Variants in MYO3B observed in about 807,000 individuals in gnomAD.
The protein encoded by MYO3B is myosin IIIB, also known as myosin-IIIb.
Under a neutral mutation model 174.6 loss-of-function variants are expected in MYO3B, and 156 were observed. The observed-to-expected ratio is 0.89, with a 90% CI of 0.78 to 1.02. The LOEUF (loss-of-function observed/expected upper bound fraction) is 1.02, where lower values mean the gene tolerates loss of function less well. MYO3B is among the 50% of genes least tolerant of loss of function. MYO3B has a pLI of 0.00. For synonymous variants in MYO3B, 563 were observed against 569.1 expected, an observed-to-expected ratio of 0.99 and a Z score of 0.15; for missense variants, 1,632 against 1,639.4, an observed-to-expected ratio of 1.00 and a Z score of 0.08.
chr2:170,235,250 T>C (rs1346210323), intron 6 of MYO3B, among the ~76,000 whole-genome samples: 1 of 152,218 alleles, frequency 6.6e-6, no homozygotes, highest in Admixed American at 6.5e-5. Context: ...ACTTCTCCTA[T>C]CGCCATTGTG....
intron 32 of MYO3B, among the ~76,000 whole-genome samples, chr2:170,627,895 G>A (rs1696597362): frequency 6.6e-6 from 1 of 152,148 alleles, no homozygotes; most frequent in Non-Finnish European, 1.5e-5. Context: ...ATTGCTGTCT[G>A]ATCGTTTTTC....
rs761891550 is a variant in MYO3B at position 170,653,103 on chromosome 2, C to T, written c.4008C>T (p.Asp1336=). 16 of 1,614,006 alleles carry T rather than the reference C, an allele frequency of 9.9e-6. No homozygotes were observed. The highest frequency in any genetic ancestry group is 1.3e-5 in the African/African-American group (1 of 74,912). ...PSFFSSSSKG[D]SFAQH is the part of the protein sequence containing the mutation. ...TTTTTTCTTCATCCTCAAAAGGAGA[C>T]TCTTTTGCTCAACATTAAATTGTGC... The change falls in exon 35 of 35, where the codon GAC becomes GAT. Residue 1336 remains aspartate (D), a synonymous_variant. Coordinates refer to ENST00000408978, the MANE Select transcript of MYO3B (RefSeq NM_138995.5).
chr2:170,590,614 T>A (rs1559141198), intron 32 of MYO3B, among the ~76,000 whole-genome samples: 1 of 148,220 alleles, frequency 6.7e-6, no homozygotes, highest in Admixed American at 6.7e-5. Flanking sequence ...TTTTTTTGCC[T>A]CAAAACTCTC....
In MYO3B at chr2:170,179,185, C is replaced by A. The variant is rs553500014; in HGVS notation, c.2+896C>A. ...CTGTGTAACAAACCTGCACGTCCTG[C>A]ACATGTAACCTGGAACTTAAAATAA... On this transcript the variant is annotated intron_variant, in intron 1 of 34. Transcript: ENST00000408978. 3.9e-5 allele frequency among the ~76,000 whole-genome samples: 6 copies of A among 152,186 alleles called. No individual in the cohort carries two copies. The South Asian group carries it at 1.2e-3, about 32-fold the overall frequency.
At chr2:170,634,120 T>A (rs1302380576) in intron 32 of MYO3B, among the ~76,000 whole-genome samples, 1 of 152,144 alleles carries the variant, frequency 6.6e-6, no homozygotes, top group Non-Finnish European at 1.5e-5. Flanking sequence ...AAAACTACTT[T>A]AAAGTTCATA....
At chr2:170,195,218 T>G (rs1041737787) in intron 1 of MYO3B, among the ~76,000 whole-genome samples, 4 of 151,966 alleles carry the variant, frequency 2.6e-5, no homozygotes, top group African/African-American at 9.7e-5. Context: ...TGGAAACCCA[T>G]GGCTCCAGTG....
At chr2:170,268,141 C>A (rs1327149410) in intron 7 of MYO3B, among the ~76,000 whole-genome samples, 1 of 152,076 alleles carries the variant, frequency 6.6e-6, no homozygotes, top group Non-Finnish European at 1.5e-5. Flanking sequence ...ACCCGGGAGG[C>A]AGAGTTTGCA....
At chr2:170,524,140 C>T (rs1240018860) in intron 30 of MYO3B, among the ~76,000 whole-genome samples, 2 of 152,172 alleles carry the variant, frequency 1.3e-5, no homozygotes, top group Non-Finnish European at 2.9e-5. Context: ...TGATTGTTAG[C>T]ATTTATTGCT....
chr2:170,467,235 A>G (rs1189071825), intron 25 of MYO3B, among the ~76,000 whole-genome samples: 1 of 152,212 alleles, frequency 6.6e-6, no homozygotes, highest in African/African-American at 2.4e-5. Flanking sequence ...CGTAAAGGTG[A>G]GAAAACTTGG....
At chr2:170,279,734 T>G (rs2093492812) in intron 7 of MYO3B, among the ~76,000 whole-genome samples, 1 of 152,198 alleles carries the variant, frequency 6.6e-6, no homozygotes, top group African/African-American at 2.4e-5. Flanking sequence ...TTCCTGTTCC[T>G]GTGTTAGTTT....
intron 32 of MYO3B, among the ~76,000 whole-genome samples, chr2:170,641,901 A>G (rs1697999999): frequency 6.7e-6 from 1 of 150,100 alleles, no homozygotes; most frequent in South Asian, 2.1e-4. Flanking sequence ...CCCAAATTAA[A>G]TGAATGAATG....
chr2:170,377,463 C>G (rs918056702), intron 9 of MYO3B, among the ~76,000 whole-genome samples: 1 of 152,180 alleles, frequency 6.6e-6, no homozygotes, highest in Non-Finnish European at 1.5e-5. Flanking sequence ...TCTATTCTTA[C>G]GCTGCACTCA....
intron 6 of MYO3B, among the ~76,000 whole-genome samples, chr2:170,220,869 T>C (rs1190449490): frequency 6.6e-6 from 1 of 152,206 alleles, no homozygotes; most frequent in Non-Finnish European, 1.5e-5. Context: ...GGATGTGTGA[T>C]TGTGTCCAGT....
At chr2:170,236,272 A>G in intron 7 of MYO3B, 136 bp downstream of exon 7, 2 of 1,061,260 alleles carry the variant, frequency 1.9e-6, no homozygotes, top group Non-Finnish European at 2.7e-6. Context: ...TCTTTGAAAA[A>G]GCAAGGGGGG....
intron 7 of MYO3B, among the ~76,000 whole-genome samples, chr2:170,237,632 A>G (rs1407058188): frequency 1.3e-5 from 2 of 152,054 alleles, no homozygotes; most frequent in African/African-American, 4.8e-5. Flanking sequence ...TAATAATCTC[A>G]TATTCTCTCA....
intron 25 of MYO3B, among the ~76,000 whole-genome samples, chr2:170,494,968 G>A (rs1686763512): frequency 6.6e-6 from 1 of 152,052 alleles, no homozygotes; most frequent in South Asian, 2.1e-4. Flanking sequence ...GGTACAGAGA[G>A]GTGAGTGACT....
chr2:170,494,746 A>AG (rs796521876), intron 25 of MYO3B, among the ~76,000 whole-genome samples: 3,452 of 146,998 alleles, frequency 0.023, 76 homozygotes, highest in East Asian at 0.098. Flanking sequence ...AAAAAAAAAA[A>AG]AAGAAGAAGA....
intron 6 of MYO3B, among the ~76,000 whole-genome samples, chr2:170,228,342 G>A (rs956271983): frequency 3.9e-5 from 6 of 152,144 alleles, no homozygotes; most frequent in Non-Finnish European, 7.4e-5. Flanking sequence ...GTAAAAGAAG[G>A]GGGTTGAATG....
chr2:170,529,585 C>A (rs1020379282), intron 30 of MYO3B, among the ~76,000 whole-genome samples: 2 of 152,146 alleles, frequency 1.3e-5, no homozygotes, highest in Non-Finnish European at 2.9e-5. Flanking sequence ...CATCCCTCAT[C>A]CCCTTCCTGC....
Sources: gnomAD v4.1 joint callset for allele counts (sites outside exome capture counted in the v4.1 genomes callset) on GRCh38, gnomAD v4.1.1 for gene constraint, MANE v1.5 for transcripts, NCBI Gene and HGNC (gene_info 2026-07-23, HGNC 2026-07-21) for gene names.